The following RALGPS2 variants were observed in gnomAD, a reference collection of about 807,000 sequenced individuals.
The protein encoded by RALGPS2 is ras-specific guanine nucleotide-releasing factor RalGPS2.
RALGPS2 carries 43 observed loss-of-function variants against 86.8 expected under a neutral mutation model. The observed-to-expected ratio is 0.50, with a 90% CI of 0.39 to 0.64. RALGPS2 has a LOEUF of 0.64. Among genes scored for constraint, RALGPS2 ranks in the 30% least tolerant of loss-of-function variants. RALGPS2 has a pLI of 0.00. For missense variants in RALGPS2, 536 were observed against 694.6 expected (o/e 0.77, Z 2.57); for synonymous variants, 243 against 231.3 (o/e 1.05, Z -0.46).
intron 2 of RALGPS2, among the ~76,000 whole-genome samples, chr1:178,778,971 C>T (rs1653244416): frequency 6.6e-6 from 1 of 152,070 alleles, no homozygotes; most frequent in South Asian, 2.1e-4. Flanking sequence ...ACTCATAAAA[C>T]TCTTTATTTT....
At chr1:178,906,989 G>C in intron 19 of RALGPS2, 122 bp downstream of exon 19, 1 of 807,854 alleles carries the variant, frequency 1.2e-6, no homozygotes, top group Non-Finnish European at 2.0e-6. Context: ...TTTTATTCTT[G>C]TTGATTACAG....
intron 1 of RALGPS2, among the ~76,000 whole-genome samples, chr1:178,750,781 C>T (rs1362488536): frequency 6.6e-6 from 1 of 152,158 alleles, no homozygotes; most frequent in Non-Finnish European, 1.5e-5. Flanking sequence ...ACCTAAGCTA[C>T]CTTTCTAAAA....
At chr1:178,900,806 A>G (rs565359212) in intron 17 of RALGPS2, among the ~76,000 whole-genome samples, 2 of 152,036 alleles carry the variant, frequency 1.3e-5, no homozygotes, top group Non-Finnish European at 2.9e-5. Flanking sequence ...AGTGATGATT[A>G]TATCTGGGGA....
At chr1:178,772,949 G>A (rs140367315) in intron 1 of RALGPS2, among the ~76,000 whole-genome samples, 14 of 152,120 alleles carry the variant, frequency 9.2e-5, no homozygotes, top group African/African-American at 2.6e-4. Flanking sequence ...TTACAGGCAC[G>A]TGCCACCACA....
intron 10 of RALGPS2, among the ~76,000 whole-genome samples, chr1:178,881,481 A>C (rs141690516): frequency 1.2e-3 from 182 of 152,106 alleles, no homozygotes; most frequent in African/African-American, 4.0e-3. Flanking sequence ...ACGGAATCTC[A>C]CTCTGTTTCC....
At chr1:178,778,696 A>G (rs1010124938) in intron 2 of RALGPS2, among the ~76,000 whole-genome samples, 1 of 137,904 alleles carries the variant, frequency 7.3e-6, no homozygotes, top group South Asian at 2.6e-4. Context: ...CATATACACC[A>G]TGGAATACTA....
intron 19 of RALGPS2, among the ~76,000 whole-genome samples, chr1:178,915,595 G>A (rs1485426593): frequency 6.6e-6 from 1 of 152,200 alleles, no homozygotes; most frequent in East Asian, 1.9e-4. Context: ...GAGCATTTGT[G>A]TTGTATTTGA....
At chr1:178,873,949 C>T (rs771530391) in intron 8 of RALGPS2, among the ~76,000 whole-genome samples, 2 of 151,906 alleles carry the variant, frequency 1.3e-5, no homozygotes, top group Non-Finnish European at 2.9e-5. Flanking sequence ...GGTACGATCT[C>T]GGCTCACTAC....
rs548539249 is a variant in RALGPS2 at position 178,880,316 on chromosome 1, C to T, written c.836+1324C>T. Among the ~76,000 whole-genome samples the T allele has an allele frequency of 1.2e-4, 19 of 152,270 alleles. No individual in the cohort carries two copies. The South Asian group carries it at 1.4e-3, about 12-fold the overall frequency. On this transcript the variant is annotated intron_variant, in intron 10 of 19. Transcript: ENST00000367635. ...TGGCTATAGAAATTCTGGAAAACAT[C>T]TAGGAATAATTTTTCTAAATGCATC...
chr1:178,745,822 C>CTTTTTT (rs34277622), intron 1 of RALGPS2, among the ~76,000 whole-genome samples: 6 of 86,112 alleles, frequency 7.0e-5, no homozygotes, highest in African/African-American at 8.1e-5. Flanking sequence ...TTCAATTCTT[C>CTTTTTT]TTTTTTTTTT....
intron 13 of RALGPS2, 56 bp downstream of exon 13, chr1:178,886,176 A>G: frequency 1.3e-6 from 2 of 1,563,228 alleles, no homozygotes; most frequent in South Asian, 1.2e-5. Context: ...AAATGTTAAT[A>G]AAACTTGGCT....
At chr1:178,803,661 T>A (rs1270635785) in intron 4 of RALGPS2, among the ~76,000 whole-genome samples, 1 of 151,918 alleles carries the variant, frequency 6.6e-6, no homozygotes, top group African/African-American at 2.4e-5. Context: ...TATCCAGAAA[T>A]TTTTATTTTT....
chr1:178,894,056 C>A, intron 16 of RALGPS2, 32 bp downstream of exon 16: 1 of 1,299,730 alleles, frequency 7.7e-7, no homozygotes, highest in Non-Finnish European at 1.1e-6. Context: ...TTTTAATACA[C>A]CTCTAAAAAT....
chr1:178,862,618 TTTATTTATTTATTTGG>T (rs1398564505), intron 8 of RALGPS2, among the ~76,000 whole-genome samples: 4 of 151,190 alleles, frequency 2.6e-5, no homozygotes, highest in African/African-American at 9.8e-5. Flanking sequence ...TATTTATTTA[TTTATTTATTTATTTGG>T]TTGGTTGGTT....
At chr1:178,782,058 C>T (rs1338550092) in intron 2 of RALGPS2, among the ~76,000 whole-genome samples, 2 of 152,112 alleles carry the variant, frequency 1.3e-5, no homozygotes, top group Non-Finnish European at 2.9e-5. Context: ...ATCAATAACT[C>T]CTCTTAGCTT....
rs112017653 is a variant in RALGPS2, at chr1:178,729,978, A to G, written c.-84+4559A>G. ...ATTTTTTGAGACAGAGTATTGCTCT[A>G]TCGCCCAGGCTGAAGTGCAGTGGTG... On this transcript the variant is annotated intron_variant, in intron 1 of 19. Transcript: ENST00000367635. Among the ~76,000 whole-genome samples, 762 of 152,258 alleles carry G rather than the reference A, an allele frequency of 5.0e-3. 7 individuals carry two copies. The highest frequency in any genetic ancestry group is 0.016 in the African/African-American group (683 of 41,546).
rs35196749 is a variant in RALGPS2 at position 178,776,663 on chromosome 1, CTTT to C, written c.-83-7_-83-5del. On this transcript the variant is annotated splice_polypyrimidine_tract_variant and intron_variant, in intron 1 of 19. Coordinates refer to ENST00000367635, the MANE Select transcript of RALGPS2 (RefSeq NM_152663.5). ...AACTTCGAGGAAGACATTTGCTTAA[CTTT>C]TTTTTTTTTTTACAGGAATAATGTA... 1.9e-3 allele frequency: 1,196 copies of C among 625,752 alleles called. No homozygotes were observed. Among genetic ancestry groups the C allele is most frequent in the East Asian group, 3.2e-3 (85 of 26,472 alleles). The allele number at this position is 625,752 out of a possible 1,614,324, so 38.8% of individuals were successfully genotyped here.
rs1344178784 is a variant in RALGPS2, at chr1:178,915,770, TC to T, written c.1723-557del. On this transcript the variant is annotated intron_variant, in intron 19 of 19. Transcript: ENST00000367635. ...AAGACCACTGACATATGAATACCTC[TC>T]CCAGTATTTTGGAAAACTGGTTTTG... Among the ~76,000 whole-genome samples the T allele has an allele frequency of 3.9e-5, 6 of 152,328 alleles. No homozygotes were observed. The East Asian group carries it at 1.2e-3, about 29-fold the overall frequency.
chr1:178,797,215 G>C (rs1347733532), intron 4 of RALGPS2, among the ~76,000 whole-genome samples: 2 of 152,182 alleles, frequency 1.3e-5, no homozygotes, highest in Admixed American at 6.5e-5. Context: ...GATGGCATCT[G>C]TGGCATAATT....
Sources: gnomAD v4.1 joint callset for allele counts (sites outside exome capture counted in the v4.1 genomes callset) on GRCh38, gnomAD v4.1.1 for gene constraint, MANE v1.5 for transcripts, NCBI Gene and HGNC (gene_info 2026-07-23, HGNC 2026-07-21) for gene names.